The following OXR1 variants were observed in gnomAD, a reference collection of about 807,000 sequenced individuals.
OXR1 encodes oxidation resistance 1.
A neutral mutation model predicts 104.6 loss-of-function variants in OXR1; 41 were observed. That is an observed-to-expected ratio of 0.39 (90% CI 0.31 to 0.51). OXR1 has a LOEUF of 0.51. Ranked by LOEUF, OXR1 falls within the 20% of genes least tolerant of loss-of-function variation. The pLI is 0.77. For synonymous variants in OXR1, 348 were observed against 348.4 expected (o/e 1.00, Z 0.01); for missense variants, 955 against 1,031.9 (o/e 0.93, Z 1.02).
At chr8:106,274,114 G>T (rs973447250) in intron 1 of OXR1, among the ~76,000 whole-genome samples, 1 of 152,090 alleles carries the variant, frequency 6.6e-6, no homozygotes, top group Admixed American at 6.6e-5. Flanking sequence ...GTATTTATAG[G>T]TATCTACATA....
chr8:106,354,881 G>A (rs967692258), intron 1 of OXR1, among the ~76,000 whole-genome samples: 4 of 151,954 alleles, frequency 2.6e-5, no homozygotes, highest in African/African-American at 4.8e-5. Flanking sequence ...TTAGAATATA[G>A]TATTTTTTTT....
At chr8:106,630,947 G>C (rs1385495162) in intron 3 of OXR1, among the ~76,000 whole-genome samples, 1 of 152,156 alleles carries the variant, frequency 6.6e-6, no homozygotes, top group Non-Finnish European at 1.5e-5. Flanking sequence ...AAAATGTAAG[G>C]GACTTTTGGG....
intron 9 of OXR1, 89 bp from the exon 10 acceptor site, chr8:106,710,533 T>A: frequency 1.3e-6 from 1 of 749,142 alleles, no homozygotes; most frequent in Non-Finnish European, 2.0e-6. Flanking sequence ...TCTGTAACTA[T>A]TTGTCAGAAT....
intron 1 of OXR1, among the ~76,000 whole-genome samples, chr8:106,301,171 C>T (rs1023223016): frequency 6.6e-6 from 1 of 152,108 alleles, no homozygotes; most frequent in African/African-American, 2.4e-5. Flanking sequence ...GAATGCATTA[C>T]CTGGAGCCAA....
At chr8:106,658,866 T>G (rs1825453499) in intron 3 of OXR1, among the ~76,000 whole-genome samples, 1 of 152,226 alleles carries the variant, frequency 6.6e-6, no homozygotes, top group African/African-American at 2.4e-5. Context: ...GACATGATAT[T>G]GATAACTTAA....
intron 3 of OXR1, among the ~76,000 whole-genome samples, chr8:106,600,740 G>A (rs13277953): frequency 0.21 from 31,452 of 151,976 alleles, 3,416 homozygotes; most frequent in East Asian, 0.41. Context: ...TATTATTCCA[G>A]GTTTACTTCT....
Position 106,737,617 on chromosome 8 carries a change from T to A in OXR1, c.2037+17T>A, listed in dbSNP as rs1212414251. 1.6e-5 allele frequency: 19 copies of A among 1,175,378 alleles called. No homozygotes were observed. The highest frequency in any genetic ancestry group is 2.8e-5 in the Admixed American group (1 of 35,244). The allele number at this position is 1,175,378 out of a possible 1,614,324, so 72.8% of individuals were successfully genotyped here. On this transcript the variant is annotated intron_variant, in intron 12 of 16. Transcript: ENST00000517566. ...CGCCTCCAGGTGCCCCCTTCAGTAG[T>A]TTAAACCCCTCCAGAGACTAAATAC...
At chr8:106,675,716 T>A (rs1480618256) in intron 3 of OXR1, among the ~76,000 whole-genome samples, 1 of 152,180 alleles carries the variant, frequency 6.6e-6, no homozygotes, top group Non-Finnish European at 1.5e-5. Context: ...GTTTTACTTC[T>A]GAATACGTGA....
At position 106,318,675 on chromosome 8, in the gene OXR1, C is replaced by T. The variant is rs544144477; in HGVS notation, c.-138-40801C>T. On this transcript the variant is annotated intron_variant, in intron 1 of 16. Coordinates refer to ENST00000517566, the MANE Select transcript of OXR1 (RefSeq NM_001198533.2). ...CATTCTTCTTTCTTCTGACTTCTGG[C>T]CAAATTACTTTCTTCCTCCCTTGCA... Among the ~76,000 whole-genome samples, 249 of 152,296 alleles carry T rather than the reference C, an allele frequency of 1.6e-3. 1 individual carries two copies. The highest frequency in any genetic ancestry group is 5.8e-3 in the African/African-American group (242 of 41,562).
intron 12 of OXR1, among the ~76,000 whole-genome samples, 173 bp from the exon 13 acceptor site, chr8:106,739,285 T>A (rs564720251): frequency 6.6e-6 from 1 of 152,292 alleles, no homozygotes; most frequent in South Asian, 2.1e-4. Context: ...TTTTCCTACA[T>A]TGGCTACATC....
intron 1 of OXR1, among the ~76,000 whole-genome samples, chr8:106,346,434 A>G (rs1320481611): frequency 6.6e-6 from 1 of 152,178 alleles, no homozygotes; most frequent in Non-Finnish European, 1.5e-5. Flanking sequence ...TTTTTCAAGG[A>G]GTCATTGTTT....
At chr8:106,309,858 A>T (rs1813625219) in intron 1 of OXR1, among the ~76,000 whole-genome samples, 1 of 151,418 alleles carries the variant, frequency 6.6e-6, no homozygotes, top group South Asian at 2.1e-4. Context: ...GAGGGTTTGT[A>T]ATTTTACAAA....
intron 3 of OXR1, among the ~76,000 whole-genome samples, chr8:106,548,506 A>C (rs1336740903): frequency 6.6e-6 from 1 of 152,266 alleles, no homozygotes; most frequent in Admixed American, 6.5e-5. Context: ...AAGGCTATAG[A>C]GGCAACAACT....
intron 1 of OXR1, among the ~76,000 whole-genome samples, chr8:106,329,742 A>C (rs933286476): frequency 6.6e-6 from 1 of 152,130 alleles, no homozygotes; most frequent in Non-Finnish European, 1.5e-5. Flanking sequence ...CAGCAGTCAC[A>C]TGACAGTCTC....
At position 106,277,002 on chromosome 8, in the gene OXR1, T is replaced by A. The variant is rs139956493; in HGVS notation, c.-139+6635T>A. Among the ~76,000 whole-genome samples the A allele has an allele frequency of 9.9e-3, 1,503 of 152,326 alleles. 15 individuals carry two copies. Among genetic ancestry groups the A allele is most frequent in the African/African-American group, 0.033 (1,363 of 41,564 alleles). On this transcript the variant is annotated intron_variant, in intron 1 of 16. Coordinates refer to ENST00000517566, the MANE Select transcript of OXR1 (RefSeq NM_001198533.2). ...TTGCTGATAATTCTGTTATTAAGTT[T>A]ATAGATGTTTTTATACCAGTTTAGT...
At chr8:106,623,382 C>T (rs984367939) in intron 3 of OXR1, among the ~76,000 whole-genome samples, 9 of 151,582 alleles carry the variant, frequency 5.9e-5, no homozygotes, top group Admixed American at 5.9e-4. Flanking sequence ...TGTTAACTTA[C>T]ACAATAGTAA....
chr8:106,491,621 G>T lies in OXR1; in HGVS notation c.24-27322G>T, dbSNP rs886773158. 2.0e-5 allele frequency among the ~76,000 whole-genome samples: 3 copies of T among 152,284 alleles called. No homozygotes were observed. In the East Asian group the frequency reaches 5.8e-4, roughly 29 times the overall value. On this transcript the variant is annotated intron_variant, in intron 2 of 16. Coordinates refer to ENST00000517566, the MANE Select transcript of OXR1 (RefSeq NM_001198533.2). ...TTCAAGCCTGTGAAAGCAAGCAGTG[G>T]CTAGTTGAATTATGTGTCACACACT...
At chr8:106,469,620 A>G (rs1010613958) in intron 2 of OXR1, among the ~76,000 whole-genome samples, 3 of 151,876 alleles carry the variant, frequency 2.0e-5, no homozygotes, top group African/African-American at 7.2e-5. Flanking sequence ...AAGCAGCACA[A>G]TTTAGTCAAG....
intron 2 of OXR1, among the ~76,000 whole-genome samples, chr8:106,498,785 A>G (rs1268909661): frequency 1.3e-5 from 2 of 152,200 alleles, no homozygotes; most frequent in African/African-American, 4.8e-5. Flanking sequence ...TTTTGTTCCA[A>G]GATAATTTTA....
Sources: allele counts gnomAD v4.1 joint callset (sites outside exome capture counted in the v4.1 genomes callset), GRCh38; gene constraint gnomAD v4.1.1; transcripts MANE v1.5; gene names NCBI Gene and HGNC (gene_info 2026-07-23, HGNC 2026-07-21).